HMGCL: variants seen among roughly 807,000 people sequenced by gnomAD.
HMGCL encodes hydroxymethylglutaryl-CoA lyase, mitochondrial.
HMGCL carries 26 observed loss-of-function variants against 37.3 expected under a neutral mutation model. The ratio of observed to expected loss-of-function variants is 0.70; its 90% CI spans 0.51 to 0.97. The LOEUF is 0.97. Among genes scored for constraint, HMGCL ranks in the 50% least tolerant of loss-of-function variants. The pLI is 0.00. For missense variants in HMGCL, 379 were observed against 398.1 expected (o/e 0.95, Z 0.41); for synonymous variants, 151 against 148.0 (o/e 1.02, Z -0.15).
rs368461149 is a variant in HMGCL, at chr1:23,825,349, C to G, written c.60+7G>C. 1.3e-6 allele frequency: 2 copies of G among 1,555,180 alleles called. No homozygotes were observed. The highest frequency in any genetic ancestry group is 1.9e-5 in the Admixed American group (1 of 51,922). ...GGGCCGCCGCCTCGGCGGCTCGGGG[C>G]ACTTACAGCCCGGAGGGACGCCAAG... On this transcript the variant is annotated splice_region_variant and intron_variant, in intron 1 of 8. Transcript: ENST00000374490.
At chr1:23,805,895 A>T (rs1400867595) in intron 7 of HMGCL, among the ~76,000 whole-genome samples, 2 of 151,366 alleles carry the variant, frequency 1.3e-5, no homozygotes, top group South Asian at 2.1e-4. Flanking sequence ...GTAGGCTCCA[A>T]ACTGGTTCTT....
At chr1:23,815,186 G>C (rs1381688264) in intron 4 of HMGCL, among the ~76,000 whole-genome samples, 1 of 151,988 alleles carries the variant, frequency 6.6e-6, no homozygotes, top group African/African-American at 2.4e-5. Flanking sequence ...CAGCCTGGGC[G>C]ACAGAGCAAG....
intron 6 of HMGCL, 63 bp downstream of exon 6, chr1:23,810,673 C>T (rs374471678): frequency 3.9e-5 from 54 of 1,393,888 alleles, no homozygotes; most frequent in South Asian, 1.5e-4. Flanking sequence ...GGAACCTATG[C>T]GCTCAGGGGC....
rs550414495 is a variant in HMGCL, at chr1:23,817,522, G to C, written c.206C>G (p.Ser69Cys). ...LIDMLSEAGLSVIETTSFVSP... is the reference protein window; with the variant it reads ...LIDMLSEAGLCVIETTSFVSP... Reference sequence around the variant, plus strand: ...CACAAAGCTGGTGGTTTCTATAACAGAGAGTCCTGCTTCAGAAAGCATGTC... The same window carrying C: ...CACAAAGCTGGTGGTTTCTATAACACAGAGTCCTGCTTCAGAAAGCATGTC... Residue 69 changes from serine (S) to cysteine (C), a missense_variant, in exon 3 of 9, where the codon TCT (serine) becomes TGT (cysteine). Physicochemically the swap from Ser to Cys is moderately radical, Grantham distance 112. Coordinates refer to ENST00000374490, the MANE Select transcript of HMGCL (RefSeq NM_000191.3). 1 of 1,613,754 alleles carries C rather than the reference G, an allele frequency of 6.2e-7. No homozygotes were observed. Among genetic ancestry groups the C allele is most frequent in the Non-Finnish European group, 8.5e-7 (1 of 1,179,676 alleles).
At chr1:23,812,680 T>G (rs761486907) in intron 5 of HMGCL, among the ~76,000 whole-genome samples, 1 of 152,066 alleles carries the variant, frequency 6.6e-6, no homozygotes, top group Non-Finnish European at 1.5e-5. Flanking sequence ...TGGAGGCATG[T>G]GACAAACAGA....
At chr1:23,824,573 C>T (rs898722548) in intron 1 of HMGCL, among the ~76,000 whole-genome samples, 2 of 152,086 alleles carry the variant, frequency 1.3e-5, no homozygotes, top group African/African-American at 4.8e-5. Context: ...CTTCTCAACT[C>T]CCTAAGGTAA....
rs764755014 is a variant in HMGCL, at chr1:23,802,431, A to T, written c.*32T>A. 4 of 1,322,108 alleles carry T rather than the reference A, an allele frequency of 3.0e-6. No homozygotes were observed. In the South Asian group the frequency reaches 4.7e-5, roughly 16 times the overall value. 81.9% of individuals were successfully genotyped at this position (1,322,108 alleles called of 1,614,324 possible). ...CATCTGTGTGTGCCCCTATTTCCAC[A>T]TCATCCCCAGGGCTTCAGGTGGGCA... is the stretch of plus-strand genomic sequence containing the variant. On this transcript the variant is annotated 3_prime_UTR_variant, in exon 9 of 9. Coordinates refer to ENST00000374490, the MANE Select transcript of HMGCL (RefSeq NM_000191.3).
Position 23,816,705 on chromosome 1 carries a change from C to CAGGACTGGGT in HMGCL, c.308_317dup (p.Thr107ProfsTer48), listed in dbSNP as rs1274176298. The CAGGACTGGGT allele has an allele frequency of 2.5e-6, 4 of 1,613,236 alleles. No homozygotes were observed. The highest frequency in any genetic ancestry group is 8.5e-7 in the Non-Finnish European group (1 of 1,179,196). On this transcript the variant is annotated frameshift_variant, in exon 4 of 9. Coordinates refer to ENST00000374490, the MANE Select transcript of HMGCL (RefSeq NM_000191.3). LOFTEE classifies it high-confidence loss of function. ...CCTCGAAGCCTTTCAAATTTGGGGT[C>CAGGACTGGGT]AGGACTGGGTAGTTGATGCCAGGAA...
rs1557484248 is a variant in HMGCL, at chr1:23,802,136, TC to T, written c.*326del. ...CCAGGTGGCCAGCTCGCGGATTCCA[TC>T]CAGAGAGGAGACTCAAGGATCATGC... On this transcript the variant is annotated 3_prime_UTR_variant, in exon 9 of 9. Transcript: ENST00000374490. 3 of 568,178 alleles carry T rather than the reference TC, an allele frequency of 5.3e-6. No individual in the cohort carries two copies. The East Asian group carries it at 8.4e-5, about 16-fold the overall frequency. The allele number at this position is 568,178 out of a possible 1,614,324, so 35.2% of individuals were successfully genotyped here.
chr1:23,816,692 T>C lies in HMGCL; in HGVS notation c.331A>G (p.Lys111Glu), dbSNP rs1638619737. ...INYPVLTPNL[K>E]GFEAAVAAGA... Reference sequence around the variant, plus strand: ...CCTCTTACCGCTGCCTCGAAGCCTTTCAAATTTGGGGTCAGGACTGGGTAG... The same window carrying C: ...CCTCTTACCGCTGCCTCGAAGCCTTCCAAATTTGGGGTCAGGACTGGGTAG... The change falls in exon 4 of 9, where the codon AAA (lysine) becomes GAA (glutamate). Residue 111 changes from lysine to glutamate, a missense_variant. Transcript: ENST00000374490. The C allele has an allele frequency of 6.2e-7, 1 of 1,611,392 alleles. No individual in the cohort carries two copies. Among genetic ancestry groups the C allele is most frequent in the South Asian group, 1.1e-5 (1 of 91,032 alleles).
At chr1:23,807,099 AGAG>A (rs1394967671) in intron 7 of HMGCL, 3 of 518,948 alleles carry the variant, frequency 5.8e-6, no homozygotes, top group Non-Finnish European at 1.2e-5. Context: ...AGAGAAGCAC[AGAG>A]GAGCAGGAGT....
At chr1:23,818,348 C>G (rs142723451) in intron 2 of HMGCL, among the ~76,000 whole-genome samples, 2 of 152,220 alleles carry the variant, frequency 1.3e-5, no homozygotes, top group Non-Finnish European at 2.9e-5. Flanking sequence ...GATCCAGCTA[C>G]TCAGGAGGCT....
rs763901202 is a variant in HMGCL at position 23,802,127 on chromosome 1, C to T, written c.*336G>A. The T allele has an allele frequency of 2.3e-5, 13 of 555,494 alleles. No individual in the cohort carries two copies. Among genetic ancestry groups the T allele is most frequent in the East Asian group, 1.7e-4 (6 of 35,406 alleles). 34.4% of individuals were successfully genotyped at this position (555,494 alleles called of 1,614,324 possible). A position where few individuals can be genotyped will look rare whatever the true frequency, so the allele number is the denominator to read the frequency against. On this transcript the variant is annotated 3_prime_UTR_variant, in exon 9 of 9. Coordinates refer to ENST00000374490, the MANE Select transcript of HMGCL (RefSeq NM_000191.3). ...AGAGGGTGGCCAGGTGGCCAGCTCG[C>T]GGATTCCATCCAGAGAGGAGACTCA...
intron 7 of HMGCL, among the ~76,000 whole-genome samples, chr1:23,805,979 T>C (rs189860112): frequency 6.6e-6 from 1 of 152,006 alleles, no homozygotes; most frequent in Non-Finnish European, 1.5e-5. Flanking sequence ...TCTCACTCTG[T>C]TGCCTAGGCT....
chr1:23,824,432 T>C (rs1006846351), intron 1 of HMGCL, among the ~76,000 whole-genome samples: 3 of 152,204 alleles, frequency 2.0e-5, no homozygotes, highest in Admixed American at 6.5e-5. Flanking sequence ...ACTTTCCAAG[T>C]TGGAATTGCC....
chr1:23,809,930 A>T (rs1234483919), intron 6 of HMGCL: 1 of 152,628 alleles, frequency 6.6e-6, no homozygotes, highest in African/African-American at 2.4e-5. Context: ...AGGCCTTTGA[A>T]GTCACGAGAT....
chr1:23,825,301 C>A, intron 1 of HMGCL, 55 bp downstream of exon 1: 1 of 1,434,470 alleles, frequency 7.0e-7, no homozygotes, highest in Non-Finnish European at 9.6e-7. Flanking sequence ...AAGCCCCCAA[C>A]CCTGACAGTC....
At chr1:23,812,280 T>A (rs1638532917) in intron 5 of HMGCL, among the ~76,000 whole-genome samples, 2 of 152,188 alleles carry the variant, frequency 1.3e-5, no homozygotes, top group Non-Finnish European at 2.9e-5. Flanking sequence ...CTGGAGCAGC[T>A]TCTCAGAGGA....
At chr1:23,819,565 C>A (rs144012922) in intron 2 of HMGCL, among the ~76,000 whole-genome samples, 6 of 152,018 alleles carry the variant, frequency 3.9e-5, no homozygotes, top group African/African-American at 1.2e-4. Context: ...CCCATCTCTA[C>A]TAAAAATACA....
Sources: gnomAD v4.1 joint callset for allele counts (sites outside exome capture counted in the v4.1 genomes callset) on GRCh38, gnomAD v4.1.1 for gene constraint, MANE v1.5 for transcripts, NCBI Gene and HGNC (gene_info 2026-07-23, HGNC 2026-07-21) for gene names.